Variants in BCL2 observed in about 807,000 individuals in gnomAD.
The protein encoded by BCL2 is BCL2 apoptosis regulator.
BCL2 carries 1 observed loss-of-function variant against 14.2 expected under a neutral mutation model. The ratio of observed to expected loss-of-function variants is 0.07; its 90% confidence interval spans 0.02 to 0.33. The LOEUF (loss-of-function observed/expected upper bound fraction) is 0.33, where lower values mean the gene tolerates loss of function less well. Ranked by LOEUF, BCL2 falls within the 10% of genes least tolerant of loss-of-function variation. The pLI, the probability that BCL2 is intolerant of heterozygous loss-of-function variation, is 0.99. For synonymous variants in BCL2, 151 were observed against 137.2 expected, an observed-to-expected ratio of 1.10 and a Z score of -0.70; for missense variants, 247 against 305.9, an observed-to-expected ratio of 0.81 and a Z score of 1.44.
chr18:63,226,120 C>A (rs1910536645), intron 2 of BCL2, among the ~76,000 whole-genome samples: 1 of 152,198 alleles, frequency 6.6e-6, no homozygotes, highest in African/African-American at 2.4e-5. Flanking sequence ...CCAGCCATCC[C>A]TGGCCAAACT....
chr18:63,269,049 A>G (rs1911924540), intron 2 of BCL2, among the ~76,000 whole-genome samples: 1 of 151,846 alleles, frequency 6.6e-6, no homozygotes, highest in Admixed American at 6.6e-5. Flanking sequence ...CCTGGGCTCA[A>G]ATGGTCTTCC....
chr18:63,154,625 C>A (rs980229868), intron 2 of BCL2, among the ~76,000 whole-genome samples: 1 of 152,188 alleles, frequency 6.6e-6, no homozygotes, highest in Non-Finnish European at 1.5e-5. Context: ...TTTTGCACAC[C>A]TCTCCACACT....
chr18:63,128,301 A>T lies in BCL2; in HGVS notation c.*324T>A, dbSNP rs185016407. 1.5e-5 allele frequency: 4 copies of T among 258,940 alleles called. No individual in the cohort carries two copies. Among genetic ancestry groups the T allele is most frequent in the Non-Finnish European group, 3.0e-5 (4 of 134,226 alleles). The allele number at this position is 258,940 out of a possible 1,614,324, so 16.0% of individuals were successfully genotyped here. ...AGAACATCCAGGTGGAGCCACACGAAGCGGTGCTTGGCAATTAGTGGTCGG... is the reference window on the plus strand; with the variant it reads ...AGAACATCCAGGTGGAGCCACACGATGCGGTGCTTGGCAATTAGTGGTCGG... On this transcript the variant is annotated 3_prime_UTR_variant, in exon 3 of 3. Transcript: ENST00000333681.
chr18:63,211,805 C>T (rs573992940), intron 2 of BCL2, among the ~76,000 whole-genome samples: 13 of 152,350 alleles, frequency 8.5e-5, no homozygotes, highest in African/African-American at 1.2e-4. Flanking sequence ...AGCCATGCCA[C>T]GCAAAGGTCC....
intron 2 of BCL2, among the ~76,000 whole-genome samples, chr18:63,150,822 A>T (rs192948276): frequency 6.6e-6 from 1 of 152,278 alleles, no homozygotes; most frequent in Non-Finnish European, 1.5e-5. Flanking sequence ...ATAAGATTTG[A>T]TGCTTAAGAA....
chr18:63,274,731 A>G (rs1912105053), intron 2 of BCL2, among the ~76,000 whole-genome samples: 1 of 152,170 alleles, frequency 6.6e-6, no homozygotes, highest in Admixed American at 6.5e-5. Context: ...AGGACCTAGT[A>G]AAACCCCGGG....
At chr18:63,184,235 A>T (rs182694150) in intron 2 of BCL2, among the ~76,000 whole-genome samples, 40 of 152,280 alleles carry the variant, frequency 2.6e-4, no homozygotes, top group Admixed American at 4.6e-4. Flanking sequence ...CTTGACACCG[A>T]CCCACTCTTC....
chr18:63,127,664 T>C lies in BCL2; in HGVS notation c.*961A>G, dbSNP rs1913946374. ...GCAGGTTCTGCGGACTTCGGTCTCC[T>C]AAAAGCAGGCACTTGTGGCGGCCTG... is the stretch of plus-strand genomic sequence containing the variant. On this transcript the variant is annotated 3_prime_UTR_variant, in exon 3 of 3. Coordinates refer to ENST00000333681, the MANE Select transcript of BCL2 (RefSeq NM_000633.3). 1 of 229,906 alleles carries C rather than the reference T, an allele frequency of 4.3e-6. No individual in the cohort carries two copies. The highest frequency in any genetic ancestry group is 8.6e-6 in the Non-Finnish European group (1 of 115,900). 14.2% of individuals were successfully genotyped at this position (229,906 alleles called of 1,614,324 possible). A position where few individuals can be genotyped will look rare whatever the true frequency, so the allele number is the denominator to read the frequency against.
chr18:63,178,739 T>A (rs561634047), intron 2 of BCL2, among the ~76,000 whole-genome samples: 1 of 152,204 alleles, frequency 6.6e-6, no homozygotes, highest in South Asian at 2.1e-4. Flanking sequence ...ACAGTTGCTC[T>A]CTTAATCGGA....
At chr18:63,289,555 T>C (rs558824583) in intron 2 of BCL2, among the ~76,000 whole-genome samples, 2 of 151,726 alleles carry the variant, frequency 1.3e-5, no homozygotes, top group South Asian at 4.2e-4. Context: ...AGAGAGGAAT[T>C]TGAACAGCTG....
rs182442051 is a variant in BCL2 at position 63,198,247 on chromosome 18, G to A, written c.586-69488C>T. Among the ~76,000 whole-genome samples the A allele has an allele frequency of 3.5e-3, 474 of 136,316 alleles. 4 individuals carry two copies. Among genetic ancestry groups the A allele is most frequent in the Admixed American group, 5.5e-3 (75 of 13,684 alleles). The allele number at this position is 136,316 out of a possible 152,430, so 89.4% of individuals were successfully genotyped here. On this transcript the variant is annotated intron_variant, in intron 2 of 2. Transcript: ENST00000333681. ...ACACACAGACACACACTGACATAGA[G>A]ACACACACACAGACACACACTGACA...
At position 63,228,912 on chromosome 18, in the gene BCL2, G is replaced by A. The variant is rs372248262; in HGVS notation, c.585+89170C>T. Among the ~76,000 whole-genome samples, 22 of 152,324 alleles carry A rather than the reference G, an allele frequency of 1.4e-4. No homozygotes were observed. In the East Asian group the frequency reaches 2.3e-3, roughly 16 times the overall value. On this transcript the variant is annotated intron_variant, in intron 2 of 2. Coordinates refer to ENST00000333681, the MANE Select transcript of BCL2 (RefSeq NM_000633.3). ...TTTAGTGGAGATAAGGTTTCGCCAT[G>A]TTGGCGAGGATGGTCTCTAACTCCT...
intron 2 of BCL2, among the ~76,000 whole-genome samples, chr18:63,281,732 GAA>G (rs572637907): frequency 3.1e-5 from 4 of 129,040 alleles, no homozygotes; most frequent in Non-Finnish European, 5.2e-5. Flanking sequence ...AAGAAAGAAA[GAA>G]AGAAAAAGAG....
At chr18:63,176,856 A>G (rs6567328) in intron 2 of BCL2, among the ~76,000 whole-genome samples, 26,867 of 151,922 alleles carry the variant, frequency 0.18, 2,864 homozygotes, top group East Asian at 0.42. Flanking sequence ...GTTTGTACCC[A>G]TTAATCAGCC....
At chr18:63,292,133 G>A (rs763269129) in intron 2 of BCL2, among the ~76,000 whole-genome samples, 13 of 146,562 alleles carry the variant, frequency 8.9e-5, no homozygotes, top group Non-Finnish European at 1.6e-4. Context: ...TGTTTCTAAC[G>A]ACACAGAAAC....
intron 2 of BCL2, among the ~76,000 whole-genome samples, chr18:63,132,499 TC>T (rs1426632510): frequency 6.6e-6 from 1 of 152,156 alleles, no homozygotes; most frequent in East Asian, 1.9e-4. Context: ...AATGTATACA[TC>T]CCGTGTTCTG....
rs1020417058 is a variant in BCL2 at position 63,127,466 on chromosome 18, C to T, written c.*1159G>A. ...TGAAAACGGGCCTACCTGGAGGGCC[C>T]CAGGGTGACAGGCCCAGCCACACCC... On this transcript the variant is annotated 3_prime_UTR_variant, in exon 3 of 3. Transcript: ENST00000333681. 1 of 233,776 alleles carries T rather than the reference C, an allele frequency of 4.3e-6. No homozygotes were observed. 14.5% of individuals were successfully genotyped at this position (233,776 alleles called of 1,614,324 possible). A position where few individuals can be genotyped will look rare whatever the true frequency, so the allele number is the denominator to read the frequency against.
intron 2 of BCL2, among the ~76,000 whole-genome samples, chr18:63,260,476 G>A (rs1911623135): frequency 6.6e-6 from 1 of 152,178 alleles, no homozygotes; most frequent in African/African-American, 2.4e-5. Flanking sequence ...CTGACAGCAG[G>A]GTACCTCTGC....
intron 2 of BCL2, among the ~76,000 whole-genome samples, chr18:63,168,586 C>T (rs55825601): frequency 0.29 from 43,948 of 152,060 alleles, 8,836 homozygotes; most frequent in African/African-American, 0.54. Context: ...CCATAGCTGA[C>T]GTCCACAGCC....
Sources: allele counts gnomAD v4.1 joint callset (sites outside exome capture counted in the v4.1 genomes callset), GRCh38; gene constraint gnomAD v4.1.1; transcripts MANE v1.5; gene names NCBI Gene and HGNC (gene_info 2026-07-23, HGNC 2026-07-21).